Variants in SLC22A11 observed in about 807,000 individuals in gnomAD.
The protein encoded by SLC22A11 is solute carrier family 22 member 11, also known as organic anion transporter 4.
SLC22A11 carries 42 observed loss-of-function variants against 49.4 expected under a neutral mutation model. The observed-to-expected ratio is 0.85, with a 90% confidence interval of 0.66 to 1.10. The LOEUF (loss-of-function observed/expected upper bound fraction) is 1.10, where lower values mean the gene tolerates loss of function less well. Ranked by LOEUF, SLC22A11 falls within the 50% of genes least tolerant of loss-of-function variation. The pLI, the probability that SLC22A11 is intolerant of heterozygous loss-of-function variation, is 0.00. For synonymous variants in SLC22A11, 304 were observed against 315.8 expected (o/e 0.96, Z 0.40); for missense variants, 685 against 731.6 (o/e 0.94, Z 0.74).
At chr11:64,568,894 C>G (rs2038666689) in intron 8 of SLC22A11, 116 bp downstream of exon 8, 1 of 836,680 alleles carries the variant, frequency 1.2e-6, no homozygotes, top group Non-Finnish European at 2.0e-6. Context: ...CTCAGGGTCC[C>G]CCCCAGGACA....
chr11:64,566,658 C>T (rs1378483127), intron 6 of SLC22A11: 1 of 152,082 alleles, frequency 6.6e-6, no homozygotes, highest in Non-Finnish European at 1.5e-5. Flanking sequence ...GAGCACCAGC[C>T]CAGTGACTCT....
In SLC22A11 at chr11:64,569,866, A is replaced by G; in HGVS notation, c.1589+8A>G. ...CCAGGACCTGGAGAGCCAGTGAGTG[A>G]CCTGTGATCCCTGGGCATCGGGCTG... is the stretch of plus-strand genomic sequence containing the variant. On this transcript the variant is annotated splice_region_variant and intron_variant, in intron 9 of 9. Coordinates refer to ENST00000301891, the MANE Select transcript of SLC22A11 (RefSeq NM_018484.4). 1 of 1,611,664 alleles carries G rather than the reference A, an allele frequency of 6.2e-7. No individual in the cohort carries two copies. The highest frequency in any genetic ancestry group is 8.5e-7 in the Non-Finnish European group (1 of 1,179,882).
chr11:64,562,506 T>A lies in SLC22A11; in HGVS notation c.821+71T>A. The A allele has an allele frequency of 6.9e-7, 1 of 1,452,468 alleles. No individual in the cohort carries two copies. Among genetic ancestry groups the A allele is most frequent in the Non-Finnish European group, 9.1e-7 (1 of 1,095,406 alleles). The allele number at this position is 1,452,468 out of a possible 1,614,324, so 90.0% of individuals were successfully genotyped here. ...GGGGGACTCTTCACTTTCACCTCTC[T>A]GGCTGGCAGTAGGTCCAGAGACCTG... On this transcript the variant is annotated intron_variant, in intron 4 of 9. Transcript: ENST00000301891. This position sits in a 1 kb window ranked among gnomAD's most constrained non-coding sequence, Gnocchi z 4.4.
At chr11:64,558,735 C>T (rs1223922500) in intron 1 of SLC22A11, among the ~76,000 whole-genome samples, 1 of 152,204 alleles carries the variant, frequency 6.6e-6, no homozygotes, top group East Asian at 1.9e-4. Flanking sequence ...CACTGCCCAC[C>T]TTGCCTGCCA....
Position 64,569,737 on chromosome 11 carries a change from C to T in SLC22A11, c.1468C>T (p.Pro490Ser). 6.2e-7 allele frequency: 1 copy of T among 1,614,204 alleles called. No individual in the cohort carries two copies. The highest frequency in any genetic ancestry group is 1.1e-5 in the South Asian group (1 of 91,080). ...PLILMSRQAL[P>S]LLPPLLYGVI... Reference sequence around the variant, plus strand: ...GATCCTGATGAGCCGCCAAGCCCTGCCCCTGCTGCCTCCTCTCCTCTATGG... The same window carrying T: ...GATCCTGATGAGCCGCCAAGCCCTGTCCCTGCTGCCTCCTCTCCTCTATGG... Residue 490 changes from proline (P) to serine (S), a missense_variant, in exon 9 of 10, where the codon CCC (proline) becomes TCC (serine). Transcript: ENST00000301891.
Position 64,565,159 on chromosome 11 carries a change from G to A in SLC22A11, c.943-63G>A. The A allele has an allele frequency of 7.7e-7, 1 of 1,306,450 alleles. No homozygotes were observed. 80.9% of individuals were successfully genotyped at this position (1,306,450 alleles called of 1,614,324 possible). A position where few individuals can be genotyped will look rare whatever the true frequency, so the allele number is the denominator to read the frequency against. On this transcript the variant is annotated intron_variant, in intron 5 of 9. Coordinates refer to ENST00000301891, the MANE Select transcript of SLC22A11 (RefSeq NM_018484.4). The surrounding 1 kb of genome is among the most constrained non-coding windows in gnomAD (Gnocchi z 4.1). ...TCTGGCCACTTGGACACTGTTCTCTGGCACAGGGGGTGGGGCAGGGCCATT... is the reference window on the plus strand; with the variant it reads ...TCTGGCCACTTGGACACTGTTCTCTAGCACAGGGGGTGGGGCAGGGCCATT...
chr11:64,563,479 G>A (rs1440749824), intron 4 of SLC22A11, among the ~76,000 whole-genome samples: 1 of 151,878 alleles, frequency 6.6e-6, no homozygotes, highest in Non-Finnish European at 1.5e-5. Context: ...GCTGAGAGCC[G>A]GTGGGTTGGG....
At position 64,571,315 on chromosome 11, in the gene SLC22A11, C is replaced by T. The variant is rs1007837893; in HGVS notation, c.*273C>T. On this transcript the variant is annotated 3_prime_UTR_variant, in exon 10 of 10. Transcript: ENST00000301891. ...TGGCCATGCCCAACCAATAACGAGA[C>T]GGTTCCCCTCCCTTTCCCTGCCAGG... 9 of 449,776 alleles carry T rather than the reference C, an allele frequency of 2.0e-5. No individual in the cohort carries two copies. Among genetic ancestry groups the T allele is most frequent in the African/African-American group, 4.0e-5 (2 of 50,600 alleles). 27.9% of individuals were successfully genotyped at this position (449,776 alleles called of 1,614,324 possible). A position where few individuals can be genotyped will look rare whatever the true frequency, so the allele number is the denominator to read the frequency against.
rs1243559895 is a variant in SLC22A11, at chr11:64,562,433, C to T, written c.819C>T (p.Ser273=). 1.9e-6 allele frequency: 3 copies of T among 1,577,370 alleles called. No individual in the cohort carries two copies. The highest frequency in any genetic ancestry group is 1.1e-5 in the South Asian group (1 of 87,550). The change falls in exon 4 of 10, where the codon TCC becomes TCT. Residue 273 remains serine, a splice_region_variant and synonymous_variant. Coordinates refer to ENST00000301891, the MANE Select transcript of SLC22A11 (RefSeq NM_018484.4). The surrounding 1 kb of genome is among the most constrained non-coding windows in gnomAD (Gnocchi z 4.4). ...CCTTCTTTGCCATCTCCCTGATATC[C>T]TGGTCAGTATGATGTGGGACCTTTT... ...SVPFFAISLI[S]WWLPESARWL...
chr11:64,565,898 C>T lies in SLC22A11; in HGVS notation c.1058+561C>T, dbSNP rs1050476780. ...GGCACTGTCACTGCCAGGGCCCGCGCGACCAGACCCTGGCCCTCCCCGGGA... is the reference window on the plus strand; with the variant it reads ...GGCACTGTCACTGCCAGGGCCCGCGTGACCAGACCCTGGCCCTCCCCGGGA... On this transcript the variant is annotated intron_variant, in intron 6 of 9. Transcript: ENST00000301891. The surrounding 1 kb of genome is among the most constrained non-coding windows in gnomAD (Gnocchi z 4.1). The T allele has an allele frequency of 5.5e-5, 12 of 218,648 alleles. No homozygotes were observed. In the East Asian group the frequency reaches 7.2e-4, roughly 13 times the overall value. 13.5% of individuals were successfully genotyped at this position (218,648 alleles called of 1,614,324 possible). A position where few individuals can be genotyped will look rare whatever the true frequency, so the allele number is the denominator to read the frequency against.
intron 1 of SLC22A11, among the ~76,000 whole-genome samples, chr11:64,558,357 G>T (rs2038492352): frequency 6.6e-6 from 1 of 152,218 alleles, no homozygotes; most frequent in Non-Finnish European, 1.5e-5. Context: ...GAAGCTCTGT[G>T]GGGGGATGGG....
Position 64,565,141 on chromosome 11 carries a change from A to G in SLC22A11, c.943-81A>G. On this transcript the variant is annotated intron_variant, in intron 5 of 9. Coordinates refer to ENST00000301891, the MANE Select transcript of SLC22A11 (RefSeq NM_018484.4). This position sits in a 1 kb window ranked among gnomAD's most constrained non-coding sequence, Gnocchi z 4.1. ...GGACAGGCTCCCCGTCACTCTGGCC[A>G]CTTGGACACTGTTCTCTGGCACAGG... 8.8e-7 allele frequency: 1 copy of G among 1,133,918 alleles called. No individual in the cohort carries two copies. Among genetic ancestry groups the G allele is most frequent in the East Asian group, 2.6e-5 (1 of 38,276 alleles). The allele number at this position is 1,133,918 out of a possible 1,614,324, so 70.2% of individuals were successfully genotyped here.
At chr11:64,559,375 C>A in intron 2 of SLC22A11, 137 bp downstream of exon 2, 1 of 695,278 alleles carries the variant, frequency 1.4e-6, no homozygotes, top group Non-Finnish European at 2.2e-6. Flanking sequence ...TTTCTTCCCT[C>A]CCCTGGCCAT....
At chr11:64,570,532 A>C (rs2038689462) in intron 9 of SLC22A11, among the ~76,000 whole-genome samples, 1 of 152,166 alleles carries the variant, frequency 6.6e-6, no homozygotes, top group Admixed American at 6.5e-5. Context: ...TGCAGCAAGC[A>C]CTCTGGACAT....
In SLC22A11 at chr11:64,558,589, C is replaced by T. The variant is rs79199418; in HGVS notation, c.394-546C>T. Among the ~76,000 whole-genome samples, 245 of 152,298 alleles carry T rather than the reference C, an allele frequency of 1.6e-3. 3 individuals carry two copies. The highest frequency in any genetic ancestry group is 5.6e-3 in the African/African-American group (231 of 41,544). On this transcript the variant is annotated intron_variant, in intron 1 of 9. Transcript: ENST00000301891. ...TGATGACAGCACCAGATCACGACTC[C>T]GTGACTCCGTCTCTAGAGGAAAGGA...
chr11:64,571,978 C>T lies in SLC22A11; in HGVS notation c.*936C>T, dbSNP rs1428574287. ...CTGGCGAGAAACGGAGCCTTACAAG[C>T]GTAGGGATAAGAGGAACCCCTCTTG... On this transcript the variant is annotated 3_prime_UTR_variant, in exon 10 of 10. Transcript: ENST00000301891. 1.3e-5 allele frequency: 2 copies of T among 152,228 alleles called. No homozygotes were observed. Among genetic ancestry groups the T allele is most frequent in the Non-Finnish European group, 2.9e-5 (2 of 68,068 alleles). The allele number at this position is 152,228 out of a possible 1,614,324, so 9.4% of individuals were successfully genotyped here.
In SLC22A11 at chr11:64,562,866, G is replaced by A. The variant is rs374107277; in HGVS notation, c.821+431G>A. 6.6e-6 allele frequency among the ~76,000 whole-genome samples: 1 copy of A among 152,158 alleles called. No individual in the cohort carries two copies. The highest frequency in any genetic ancestry group is 2.4e-5 in the African/African-American group (1 of 41,422). On this transcript the variant is annotated intron_variant, in intron 4 of 9. Transcript: ENST00000301891. The surrounding 1 kb of genome is among the most constrained non-coding windows in gnomAD (Gnocchi z 4.4). ...TCCCGGTCCCCAAGGCCCCACTGCC[G>A]CTGTCCCCTGGGCTGAGGCTGTGAG...
intron 9 of SLC22A11, 45 bp downstream of exon 9, chr11:64,569,903 G>C: frequency 1.3e-6 from 2 of 1,593,630 alleles, no homozygotes; most frequent in Non-Finnish European, 1.7e-6. Context: ...GCTTCCTCCT[G>C]GGCCAAGATG....
chr11:64,571,198 G>A lies in SLC22A11; in HGVS notation c.*156G>A. On this transcript the variant is annotated 3_prime_UTR_variant, in exon 10 of 10. Transcript: ENST00000301891. ...CGAGTGGACAGCGTGGCCGTCTGCT[G>A]TGGCTGAAGGCAGCTTCCACAGCTC... is the stretch of plus-strand genomic sequence containing the variant. 1 of 713,182 alleles carries A rather than the reference G, an allele frequency of 1.4e-6. No homozygotes were observed. The highest frequency in any genetic ancestry group is 2.6e-5 in the Admixed American group (1 of 38,872). The allele number at this position is 713,182 out of a possible 1,614,324, so 44.2% of individuals were successfully genotyped here.
Sources: gnomAD v4.1 joint callset for allele counts (sites outside exome capture counted in the v4.1 genomes callset) on GRCh38, gnomAD v4.1.1 for gene constraint, Gnocchi (gnomAD v3.1) non-coding constraint, MANE v1.5 for transcripts, NCBI Gene and HGNC (gene_info 2026-07-23, HGNC 2026-07-21) for gene names.